Variants in AFF1 observed in about 807,000 individuals in gnomAD.
AFF1 encodes ALF transcription elongation factor 1, also known as AF4/FMR2 family member 1.
A neutral mutation model predicts 121.7 loss-of-function variants in AFF1; 48 were observed. The observed-to-expected ratio is 0.39, with a 90% CI of 0.31 to 0.50. AFF1 has a LOEUF of 0.50. Ranked by LOEUF, AFF1 falls within the 20% of genes least tolerant of loss-of-function variation. The pLI is 0.76. For synonymous variants in AFF1, 613 were observed against 563.0 expected (o/e 1.09, Z -1.26); for missense variants, 1,523 against 1,511.7 (o/e 1.01, Z -0.12).
intron 2 of AFF1, among the ~76,000 whole-genome samples, chr4:87,031,398 T>C (rs1729070314): frequency 6.6e-6 from 1 of 152,178 alleles, no homozygotes; most frequent in Non-Finnish European, 1.5e-5. Context: ...CCTTAGTCCT[T>C]TAGCACTTGT....
intron 8 of AFF1, among the ~76,000 whole-genome samples, chr4:87,104,602 A>C (rs1180875041): frequency 6.6e-6 from 1 of 152,184 alleles, no homozygotes; most frequent in Admixed American, 6.5e-5. Context: ...ATTAGAAAAC[A>C]TAGTGATTTT....
chr4:87,132,383 C>G lies in AFF1; in HGVS notation c.3286C>G (p.Gln1096Glu). 2 of 1,611,828 alleles carry G rather than the reference C, an allele frequency of 1.2e-6. No homozygotes were observed. The highest frequency in any genetic ancestry group is 2.7e-5 in the African/African-American group (2 of 74,888). The change falls in exon 19 of 21, where the codon CAG (glutamine) becomes GAG (glutamate). Residue 1096 changes from glutamine (Q) to glutamate (E), a missense_variant. Coordinates refer to ENST00000395146, the MANE Select transcript of AFF1 (RefSeq NM_001166693.3). ...CTTCGAGAGTTCTTCCAAAGTCGCCCAGGCACCTTCTCCATGCATTGCAAG... is the reference window on the plus strand; with the variant it reads ...CTTCGAGAGTTCTTCCAAAGTCGCCGAGGCACCTTCTCCATGCATTGCAAG... Reference protein sequence around the residue: ...KHFESSSKVAQAPSPCIARST... With the variant: ...KHFESSSKVAEAPSPCIARST...
At chr4:87,019,884 C>CGG (rs34782951) in intron 2 of AFF1, among the ~76,000 whole-genome samples, 23,793 of 81,682 alleles carry the variant, frequency 0.29, 2,334 homozygotes, top group East Asian at 0.37. Flanking sequence ...CTGAAGGGGT[C>CGG]GGGGGGGGGC....
chr4:87,045,625 A>G (rs2149611275), intron 2 of AFF1, among the ~76,000 whole-genome samples: 1 of 152,228 alleles, frequency 6.6e-6, no homozygotes, highest in South Asian at 2.1e-4. Flanking sequence ...TGGGGTTTAC[A>G]TGCCAAGACA....
intron 2 of AFF1, among the ~76,000 whole-genome samples, chr4:87,026,152 C>T (rs1728514332): frequency 6.7e-6 from 1 of 149,252 alleles, no homozygotes; most frequent in South Asian, 2.1e-4. Flanking sequence ...TTGCAGTGAG[C>T]TGACACCATG....
intron 2 of AFF1, among the ~76,000 whole-genome samples, chr4:86,991,975 C>A (rs1392792098): frequency 6.6e-6 from 1 of 151,808 alleles, no homozygotes. Context: ...TACTATTTTG[C>A]CTTTTGCAGA....
intron 2 of AFF1, among the ~76,000 whole-genome samples, chr4:86,977,252 C>T (rs1008962624): frequency 2.6e-5 from 4 of 152,122 alleles, no homozygotes; most frequent in Admixed American, 6.5e-5. Flanking sequence ...GAGTGACTTA[C>T]AGGTGAGTAG....
At chr4:87,077,144 C>T (rs186635079) in intron 4 of AFF1, among the ~76,000 whole-genome samples, 21 of 152,210 alleles carry the variant, frequency 1.4e-4, no homozygotes, top group East Asian at 5.8e-4. Context: ...AAAAGGAGAG[C>T]GAGAATAAAA....
intron 2 of AFF1, among the ~76,000 whole-genome samples, chr4:87,005,678 A>G (rs1194603301): frequency 6.6e-6 from 1 of 152,214 alleles, no homozygotes; most frequent in Admixed American, 6.5e-5. Context: ...TGTGCAGTGG[A>G]CTGCTTCCTG....
At chr4:86,989,059 C>T (rs1239496175) in intron 2 of AFF1, among the ~76,000 whole-genome samples, 3 of 152,056 alleles carry the variant, frequency 2.0e-5, no homozygotes, top group Non-Finnish European at 4.4e-5. Flanking sequence ...AAGACTTAAA[C>T]ATAAGACCTA....
chr4:87,095,682 C>CAA (rs1288261593), intron 8 of AFF1, among the ~76,000 whole-genome samples: 1 of 152,110 alleles, frequency 6.6e-6, no homozygotes, highest in African/African-American at 2.4e-5. Flanking sequence ...CCCAGCTATT[C>CAA]TTTATTAAGG....
intron 2 of AFF1, among the ~76,000 whole-genome samples, chr4:87,006,814 A>T (rs1187832837): frequency 6.6e-6 from 1 of 152,206 alleles, no homozygotes; most frequent in Non-Finnish European, 1.5e-5. Context: ...GGGGACCAGC[A>T]GGGCTTGTCG....
chr4:87,006,031 T>C (rs1307536342), intron 2 of AFF1, among the ~76,000 whole-genome samples: 2 of 152,234 alleles, frequency 1.3e-5, no homozygotes, highest in African/African-American at 4.8e-5. Flanking sequence ...TAAACACACT[T>C]TGAGAACCCT....
At chr4:87,133,517 A>G (rs1298147618) in intron 19 of AFF1, among the ~76,000 whole-genome samples, 1 of 152,224 alleles carries the variant, frequency 6.6e-6, no homozygotes, top group Non-Finnish European at 1.5e-5. Flanking sequence ...TTGAGATATT[A>G]TTCTAAGCTA....
At chr4:86,979,668 AAGAG>A (rs1436498941) in intron 2 of AFF1, among the ~76,000 whole-genome samples, 1 of 152,250 alleles carries the variant, frequency 6.6e-6, no homozygotes, top group African/African-American at 2.4e-5. Flanking sequence ...CATGCATAAA[AAGAG>A]AGATGCAAAT....
intron 2 of AFF1, among the ~76,000 whole-genome samples, chr4:86,955,640 GACAGGGGGAAAACATGTTAAA>G (rs1560499842): frequency 1.3e-5 from 2 of 152,154 alleles, no homozygotes; most frequent in Non-Finnish European, 2.9e-5. Flanking sequence ...TTTACTTGAG[GACAGGGGGAAAACATGTTAAA>G]ATAAACCATA....
chr4:87,006,348 G>A (rs1334834536), intron 2 of AFF1, among the ~76,000 whole-genome samples: 2 of 152,114 alleles, frequency 1.3e-5, no homozygotes, highest in African/African-American at 4.8e-5. Flanking sequence ...GCTTTCCATG[G>A]TCCTCTGAGT....
intron 2 of AFF1, among the ~76,000 whole-genome samples, chr4:87,008,344 A>G (rs918335460): frequency 6.6e-6 from 1 of 152,162 alleles, no homozygotes; most frequent in Non-Finnish European, 1.5e-5. Context: ...TCATGGAGAG[A>G]AATGGATGTT....
intron 2 of AFF1, among the ~76,000 whole-genome samples, chr4:86,955,924 A>G (rs1266670161): frequency 2.6e-5 from 4 of 152,336 alleles, no homozygotes; most frequent in East Asian, 3.9e-4. Flanking sequence ...AGAATTCTCA[A>G]TTATTGAGGA....
Sources: gnomAD v4.1 joint callset for allele counts (sites outside exome capture counted in the v4.1 genomes callset) on GRCh38, gnomAD v4.1.1 for gene constraint, MANE v1.5 for transcripts, NCBI Gene and HGNC (gene_info 2026-07-23, HGNC 2026-07-21) for gene names.